The following C16orf74 variants were observed in gnomAD, a reference collection of about 807,000 sequenced individuals.
The protein encoded by C16orf74 is uncharacterized protein C16orf74.
In C16orf74, 10 loss-of-function variants were observed where a neutral mutation model predicts 6.5. That is an observed-to-expected ratio of 1.54 (90% CI 0.95 to 2.61). The LOEUF (loss-of-function observed/expected upper bound fraction) is 2.61, where lower values mean the gene tolerates loss of function less well. Ranked by LOEUF, C16orf74 falls within the 30% of genes most tolerant of loss-of-function variation. C16orf74 has a pLI of 0.00. For synonymous variants in C16orf74, 60 were observed against 42.5 expected, an observed-to-expected ratio of 1.41 and a Z score of -1.60; for missense variants, 141 against 105.9, an observed-to-expected ratio of 1.33 and a Z score of -1.45.
intron 1 of C16orf74, among the ~76,000 whole-genome samples, chr16:85,742,099 G>A (rs557709520): frequency 6.6e-5 from 10 of 152,184 alleles, no homozygotes; most frequent in Non-Finnish European, 8.8e-5. Flanking sequence ...GTGGCTGGGC[G>A]TGGTGGCTCA....
intron 2 of C16orf74, among the ~76,000 whole-genome samples, chr16:85,727,341 C>T (rs950713524): frequency 6.6e-6 from 1 of 152,156 alleles, no homozygotes; most frequent in Non-Finnish European, 1.5e-5. Flanking sequence ...CTGAGCCCCC[C>T]GAGCGAGGGA....
intron 2 of C16orf74, among the ~76,000 whole-genome samples, chr16:85,724,733 G>A (rs1385346756): frequency 6.6e-6 from 1 of 152,156 alleles, no homozygotes; most frequent in African/African-American, 2.4e-5. Flanking sequence ...TCAGTCCGAG[G>A]AGGGTCTCCA....
intron 2 of C16orf74, among the ~76,000 whole-genome samples, chr16:85,722,225 T>G (rs1187539138): frequency 1.3e-5 from 2 of 152,230 alleles, no homozygotes; most frequent in East Asian, 3.9e-4. Context: ...TAAGGATGCA[T>G]GGTACTAAGA....
intron 2 of C16orf74, among the ~76,000 whole-genome samples, chr16:85,723,245 G>A (rs574406939): frequency 1.0e-3 from 120 of 117,478 alleles, no homozygotes; most frequent in Admixed American, 2.2e-3. Context: ...GGGCAACAGA[G>A]CAAGACTCCA....
At chr16:85,741,092 T>C (rs927438254) in intron 1 of C16orf74, among the ~76,000 whole-genome samples, 23 of 152,132 alleles carry the variant, frequency 1.5e-4, no homozygotes, top group Admixed American at 1.3e-3. Flanking sequence ...AAAGGCAACA[T>C]CCAGAAGAGA....
chr16:85,712,631 G>C (rs1340024581), intron 2 of C16orf74, among the ~76,000 whole-genome samples: 1 of 152,230 alleles, frequency 6.6e-6, no homozygotes, highest in Non-Finnish European at 1.5e-5. Flanking sequence ...TTCACCTGCA[G>C]CTTGACCAAG....
chr16:85,736,057 C>T (rs1450538028), intron 1 of C16orf74, among the ~76,000 whole-genome samples: 1 of 152,128 alleles, frequency 6.6e-6, no homozygotes, highest in African/African-American at 2.4e-5. Flanking sequence ...GGCTGGGGCC[C>T]CACCCCACAG....
intron 3 of C16orf74, among the ~76,000 whole-genome samples, chr16:85,709,941 G>A (rs553587505): frequency 2.8e-4 from 43 of 152,384 alleles, no homozygotes; most frequent in African/African-American, 1.0e-3. Context: ...CTGCTGGCAG[G>A]GGCTGTCTAC....
At chr16:85,724,358 A>C (rs2054111887) in intron 2 of C16orf74, among the ~76,000 whole-genome samples, 2 of 152,078 alleles carry the variant, frequency 1.3e-5, no homozygotes, top group African/African-American at 2.4e-5. Context: ...CCCTAAGGAA[A>C]CTGCAGGGAA....
chr16:85,717,578 C>T (rs2054037640), intron 2 of C16orf74, among the ~76,000 whole-genome samples: 1 of 152,142 alleles, frequency 6.6e-6, no homozygotes. Flanking sequence ...CTGGCCGGGG[C>T]CTAGGGGGTC....
intron 1 of C16orf74, among the ~76,000 whole-genome samples, chr16:85,735,753 C>T (rs1157858303): frequency 3.3e-5 from 5 of 151,524 alleles, no homozygotes; most frequent in Non-Finnish European, 7.4e-5. Flanking sequence ...ACGTGTGGCC[C>T]CCCCAGCCCA....
At chr16:85,728,431 C>T (rs755626699) in intron 2 of C16orf74, among the ~76,000 whole-genome samples, 43 of 152,292 alleles carry the variant, frequency 2.8e-4, no homozygotes, top group Non-Finnish European at 4.6e-4. Flanking sequence ...CCCCAAGGGA[C>T]CTTCCCCAGG....
intron 1 of C16orf74, among the ~76,000 whole-genome samples, chr16:85,748,109 T>A (rs192115113): frequency 1.6e-5 from 1 of 60,822 alleles, no homozygotes; most frequent in East Asian, 2.5e-4. Context: ...TATATATACA[T>A]ATATATATAT....
chr16:85,732,943 G>A (rs2054205591), intron 2 of C16orf74, among the ~76,000 whole-genome samples: 1 of 152,206 alleles, frequency 6.6e-6, no homozygotes, highest in African/African-American at 2.4e-5. Flanking sequence ...TGATCTGGCT[G>A]CCTGTGCTTT....
chr16:85,744,281 T>C (rs1269783248), intron 1 of C16orf74: 1 of 148,812 alleles, frequency 6.7e-6, no homozygotes, highest in Non-Finnish European at 1.5e-5. Context: ...AAATAAAGAT[T>C]TAATGGGAGA....
At chr16:85,731,977 C>T (rs1386755764) in intron 2 of C16orf74, among the ~76,000 whole-genome samples, 1 of 152,260 alleles carries the variant, frequency 6.6e-6, no homozygotes, top group Non-Finnish European at 1.5e-5. Context: ...AGGCATGGGC[C>T]ACCGTGCAGC....
chr16:85,713,840 C>G (rs777465559), intron 2 of C16orf74, among the ~76,000 whole-genome samples: 1 of 152,202 alleles, frequency 6.6e-6, no homozygotes, highest in Non-Finnish European at 1.5e-5. Context: ...TTGGTGCTGT[C>G]CATGGCTCCA....
intron 2 of C16orf74, among the ~76,000 whole-genome samples, chr16:85,733,380 T>G (rs1207326901): frequency 6.6e-6 from 1 of 152,134 alleles, no homozygotes; most frequent in Non-Finnish European, 1.5e-5. Flanking sequence ...GAATGGTGGC[T>G]GCCAAGGGCT....
At chr16:85,736,649 G>A (rs911670858) in intron 1 of C16orf74, among the ~76,000 whole-genome samples, 1 of 152,164 alleles carries the variant, frequency 6.6e-6, no homozygotes, top group African/African-American at 2.4e-5. Flanking sequence ...ACTTACGAGT[G>A]GTCTCTGGAG....
Sources: gnomAD v4.1 joint callset for allele counts (sites outside exome capture counted in the v4.1 genomes callset) on GRCh38, gnomAD v4.1.1 for gene constraint, MANE v1.5 for transcripts, NCBI Gene and HGNC (gene_info 2026-07-23, HGNC 2026-07-21) for gene names.